The following TNRC6B variants were observed in gnomAD, a reference collection of about 807,000 sequenced individuals.
TNRC6B encodes the protein trinucleotide repeat-containing gene 6B protein.
Under a neutral mutation model 203.6 loss-of-function variants are expected in TNRC6B, and 52 were observed. The ratio of observed to expected loss-of-function variants is 0.26; its 90% CI spans 0.20 to 0.32. TNRC6B has a LOEUF of 0.32. Among genes scored for constraint, TNRC6B ranks in the 10% least tolerant of loss-of-function variants. TNRC6B has a pLI of 1.00. For synonymous variants in TNRC6B, 838 were observed against 845.7 expected (o/e 0.99, Z 0.16); for missense variants, 1,923 against 2,286.2 (o/e 0.84, Z 3.24).
At chr22:40,075,153 TATA>T (rs1426583653) in intron 1 of TNRC6B, among the ~76,000 whole-genome samples, 5 of 83,068 alleles carry the variant, frequency 6.0e-5, no homozygotes, top group Non-Finnish European at 8.7e-5. Flanking sequence ...TATATATATA[TATA>T]TTTTTTTTTT....
intron 19 of TNRC6B, among the ~76,000 whole-genome samples, chr22:40,314,222 T>A (rs749657368): frequency 6.6e-6 from 1 of 152,246 alleles, no homozygotes; most frequent in Non-Finnish European, 1.5e-5. Context: ...AACTCAGTTA[T>A]GTTTCTTAAT....
At chr22:40,220,095 G>T (rs757231124) in intron 1 of TNRC6B, among the ~76,000 whole-genome samples, 2 of 152,130 alleles carry the variant, frequency 1.3e-5, no homozygotes, top group South Asian at 4.1e-4. Flanking sequence ...CTTGAGAATC[G>T]CTGCGGTAGT....
chr22:40,256,098 G>A (rs1236700354), intron 3 of TNRC6B, among the ~76,000 whole-genome samples: 3 of 152,170 alleles, frequency 2.0e-5, no homozygotes, highest in Non-Finnish European at 4.4e-5. Flanking sequence ...ACTTAATATT[G>A]ATTGGATAAT....
intron 12 of TNRC6B, among the ~76,000 whole-genome samples, chr22:40,289,189 G>A (rs995056364): frequency 1.3e-5 from 2 of 152,048 alleles, no homozygotes; most frequent in Non-Finnish European, 2.9e-5. Flanking sequence ...AGGCTGAGGT[G>A]GGAGGATAGA....
At chr22:40,046,928 A>G (rs541011040) in intron 1 of TNRC6B, among the ~76,000 whole-genome samples, 26 of 152,070 alleles carry the variant, frequency 1.7e-4, no homozygotes, top group Non-Finnish European at 2.4e-4. Flanking sequence ...TACAGGCGTG[A>G]GCCACCGCGC....
intron 4 of TNRC6B, among the ~76,000 whole-genome samples, chr22:40,169,758 T>TG (rs2068953958): frequency 6.6e-6 from 1 of 152,196 alleles, no homozygotes; most frequent in Non-Finnish European, 1.5e-5. Context: ...CAAGGGTCCT[T>TG]GGCATACTCA....
chr22:40,305,103 G>A (rs1481633160), intron 15 of TNRC6B, among the ~76,000 whole-genome samples: 1 of 152,228 alleles, frequency 6.6e-6, no homozygotes, highest in African/African-American at 2.4e-5. Flanking sequence ...GGAGCCAAAA[G>A]TCGTGAACAG....
intron 1 of TNRC6B, among the ~76,000 whole-genome samples, chr22:40,116,506 C>T (rs1307104099): frequency 6.6e-6 from 1 of 152,170 alleles, no homozygotes; most frequent in Non-Finnish European, 1.5e-5. Flanking sequence ...TTTGAAGAGA[C>T]TGTTCCAGCC....
intron 3 of TNRC6B, among the ~76,000 whole-genome samples, chr22:40,142,808 GA>G (rs1447198390): frequency 6.6e-6 from 1 of 152,066 alleles, no homozygotes; most frequent in African/African-American, 2.4e-5. Context: ...TTCACGATTA[GA>G]AAAAAATTAT....
intron 3 of TNRC6B, among the ~76,000 whole-genome samples, chr22:40,151,549 AAAAG>A (rs1027059351): frequency 2.7e-5 from 2 of 75,004 alleles, no homozygotes; most frequent in Non-Finnish European, 4.6e-5. Context: ...AAAAAAAAAA[AAAAG>A]AAAAAAGAAA....
chr22:40,202,589 A>T (rs955232079), intron 1 of TNRC6B, among the ~76,000 whole-genome samples: 26 of 152,226 alleles, frequency 1.7e-4, no homozygotes, highest in African/African-American at 6.3e-4. Context: ...TAAGATAACG[A>T]ATGACTTGTT....
At chr22:40,125,120 TAACA>T (rs1300612315) in intron 2 of TNRC6B, among the ~76,000 whole-genome samples, 3 of 152,258 alleles carry the variant, frequency 2.0e-5, no homozygotes, top group African/African-American at 7.2e-5. Flanking sequence ...CATAAAATTT[TAACA>T]AACTTTTTCT....
At chr22:40,067,767 A>G (rs1038007716) in intron 1 of TNRC6B, among the ~76,000 whole-genome samples, 2 of 152,148 alleles carry the variant, frequency 1.3e-5, no homozygotes, top group Non-Finnish European at 2.9e-5. Context: ...TTTTCCATTC[A>G]GGCCCCTAGC....
intron 4 of TNRC6B, among the ~76,000 whole-genome samples, chr22:40,157,875 C>G (rs1273271266): frequency 6.6e-6 from 1 of 152,194 alleles, no homozygotes; most frequent in Non-Finnish European, 1.5e-5. Context: ...CCATTTCACT[C>G]AGAGATCAGG....
chr22:40,264,777 C>T lies in TNRC6B; in HGVS notation c.547C>T (p.Pro183Ser). The change falls in exon 5 of 23, where the codon CCA (proline) becomes TCA (serine). Residue 183 changes from proline (P) to serine (S), a missense_variant. Transcript: ENST00000454349. ...ASSNNGTSPNPIHIWDKVIVD... is the reference protein window; with the variant it reads ...ASSNNGTSPNSIHIWDKVIVD... The stretch of plus-strand genomic sequence containing the variant: ...CTCCAACAACGGCACCTCCCCCAAC[C>T]CAATTCACATCTGGGACAAGGTGAT... 1 of 1,613,906 alleles carries T rather than the reference C, an allele frequency of 6.2e-7. No homozygotes were observed. Among genetic ancestry groups the T allele is most frequent in the East Asian group, 2.2e-5 (1 of 44,880 alleles).
At chr22:40,092,575 C>G (rs1352617543) in intron 1 of TNRC6B, among the ~76,000 whole-genome samples, 1 of 152,096 alleles carries the variant, frequency 6.6e-6, no homozygotes, top group Non-Finnish European at 1.5e-5. Flanking sequence ...GTGGTGAAAT[C>G]ATAGTTCACT....
At chr22:40,054,873 C>CAAAA (rs536397622) in intron 1 of TNRC6B, among the ~76,000 whole-genome samples, 4 of 134,258 alleles carry the variant, frequency 3.0e-5, no homozygotes, top group African/African-American at 1.1e-4. Flanking sequence ...CCCATCTCTA[C>CAAAA]AAAAAAAAAA....
chr22:40,128,539 A>ATCACGGC lies in TNRC6B; in HGVS notation c.45+2710_45+2716dup, dbSNP rs555957258. Among the ~76,000 whole-genome samples, 908 of 147,866 alleles carry ATCACGGC rather than the reference A, an allele frequency of 6.1e-3. 11 individuals are homozygous for ATCACGGC. The highest frequency in any genetic ancestry group is 0.02 in the South Asian group (97 of 4,734). On this transcript the variant is annotated intron_variant, in intron 3 of 23. Transcript: ENST00000301923. ...ACCAAGTCTGGAGTGTGGTGGTATG[A>ATCACGGC]TCACGGCTCACGGCTCACGGCTCAC...
rs567192047 is a variant in TNRC6B at position 40,245,913 on chromosome 22, A to G, written c.6-102A>G. 14 of 743,154 alleles carry G rather than the reference A, an allele frequency of 1.9e-5. No homozygotes were observed. The African/African-American group carries it at 2.0e-4, about 11-fold the overall frequency. 46.0% of individuals were successfully genotyped at this position (743,154 alleles called of 1,614,324 possible). On this transcript the variant is annotated intron_variant, in intron 1 of 22. Transcript: ENST00000454349. ...TACTGTGTTCTATTCAGTCACAGAGATGAAATGTCGTCTTGCCCACCACTT... is the reference window on the plus strand; with the variant it reads ...TACTGTGTTCTATTCAGTCACAGAGGTGAAATGTCGTCTTGCCCACCACTT...
Sources: allele counts gnomAD v4.1 joint callset (sites outside exome capture counted in the v4.1 genomes callset), GRCh38; gene constraint gnomAD v4.1.1; transcripts MANE v1.5; gene names NCBI Gene and HGNC (gene_info 2026-07-23, HGNC 2026-07-21).